NTN4: variants seen among roughly 807,000 people sequenced by gnomAD.
The protein encoded by NTN4 is netrin 4.
In NTN4, 32 loss-of-function variants were observed where a neutral mutation model predicts 73.6. That is an observed-to-expected ratio of 0.44 (90% CI 0.33 to 0.58). The LOEUF (loss-of-function observed/expected upper bound fraction) is 0.58, where lower values mean the gene tolerates loss of function less well. Among genes scored for constraint, NTN4 ranks in the 20% least tolerant of loss-of-function variants. NTN4 has a pLI of 0.04. For missense variants in NTN4, 654 were observed against 798.3 expected (o/e 0.82, Z 2.18); for synonymous variants, 258 against 287.5 (o/e 0.90, Z 1.04).
At chr12:95,711,734 A>G (rs2078566344) in intron 4 of NTN4, among the ~76,000 whole-genome samples, 1 of 152,186 alleles carries the variant, frequency 6.6e-6, no homozygotes, top group African/African-American at 2.4e-5. Flanking sequence ...GCATCAAGTG[A>G]CATGTCTCTG....
chr12:95,753,543 C>T (rs2078925727), intron 2 of NTN4, among the ~76,000 whole-genome samples: 1 of 147,160 alleles, frequency 6.8e-6, no homozygotes, highest in Admixed American at 6.8e-5. Flanking sequence ...TTTAGCCTTC[C>T]CACCTCTATA....
At chr12:95,757,036 T>C (rs1182219532) in intron 2 of NTN4, among the ~76,000 whole-genome samples, 2 of 152,186 alleles carry the variant, frequency 1.3e-5, no homozygotes, top group Non-Finnish European at 2.9e-5. Flanking sequence ...ACTTAGAATA[T>C]ACCATGTCTA....
At chr12:95,772,288 C>A (rs1592715639) in intron 2 of NTN4, among the ~76,000 whole-genome samples, 1 of 152,336 alleles carries the variant, frequency 6.6e-6, no homozygotes, top group African/African-American at 2.4e-5. Flanking sequence ...AATCCACCCA[C>A]TTCAGCCTCC....
chr12:95,785,010 G>A (rs2079157428), intron 2 of NTN4, among the ~76,000 whole-genome samples: 1 of 152,176 alleles, frequency 6.6e-6, no homozygotes, highest in African/African-American at 2.4e-5. Context: ...CAATAAATTT[G>A]CAATAAATTC....
At chr12:95,711,263 G>A (rs1393810295) in intron 4 of NTN4, among the ~76,000 whole-genome samples, 4 of 152,140 alleles carry the variant, frequency 2.6e-5, no homozygotes, top group Non-Finnish European at 5.9e-5. Context: ...ACAAAGTGTA[G>A]ATTTGTCTAG....
chr12:95,713,743 A>G (rs909898953), intron 3 of NTN4, among the ~76,000 whole-genome samples: 1 of 152,178 alleles, frequency 6.6e-6, no homozygotes, highest in African/African-American at 2.4e-5. Flanking sequence ...TAACATTTGG[A>G]GCATATAATT....
chr12:95,757,091 G>GT (rs1320095898), intron 2 of NTN4, among the ~76,000 whole-genome samples: 1 of 152,164 alleles, frequency 6.6e-6, no homozygotes, highest in Non-Finnish European at 1.5e-5. Context: ...TAGACTGTGA[G>GT]TGAGACATGA....
rs1343251865 is a variant in NTN4, at chr12:95,790,723, C to G, written c.-414G>C. On this transcript the variant is annotated 5_prime_UTR_variant, in exon 1 of 10. Transcript: ENST00000343702. The surrounding 1 kb of genome is among the most constrained non-coding windows in gnomAD (Gnocchi z 6.5). ...CTCCTGGGCGTCCTCCTCCGCTTTT[C>G]CCACCTCTTCTGGCTGCCCCGGCTC... 1 of 157,438 alleles carries G rather than the reference C, an allele frequency of 6.4e-6. No individual in the cohort carries two copies. The highest frequency in any genetic ancestry group is 1.4e-5 in the Non-Finnish European group (1 of 71,926). 9.8% of individuals were successfully genotyped at this position (157,438 alleles called of 1,614,324 possible).
rs753907178 is a variant in NTN4 at position 95,682,814 on chromosome 12, T to A, written c.1403A>T (p.Asp468Val). ...AGGAACTTCATGATACCAGTCTATG[T>A]CTGTGTGGCTAACAAAATAGAACAT... The part of the protein sequence containing the change: ...ITGDCISSHT[D>V]IDWYHEVPDF... The change falls in exon 7 of 10, where the codon GAC (aspartate) becomes GTC (valine). Residue 468 changes from aspartate (D) to valine (V), a missense_variant. Transcript: ENST00000343702. The A allele has an allele frequency of 1.4e-5, 23 of 1,600,540 alleles. No individual in the cohort carries two copies. The Middle Eastern group carries it at 6.6e-4, about 46-fold the overall frequency.
At chr12:95,707,002 C>T (rs2078526029) in intron 5 of NTN4, among the ~76,000 whole-genome samples, 1 of 152,106 alleles carries the variant, frequency 6.6e-6, no homozygotes, top group South Asian at 2.1e-4. Context: ...TGGTGCTGGT[C>T]CAAGAGCCAC....
chr12:95,693,493 G>A (rs1030601399), intron 5 of NTN4, among the ~76,000 whole-genome samples: 28 of 151,984 alleles, frequency 1.8e-4, no homozygotes, highest in African/African-American at 5.8e-4. Flanking sequence ...CACTTTGAGA[G>A]GGCGAGGCAG....
At chr12:95,664,627 T>TC (rs1246750224) in intron 9 of NTN4, among the ~76,000 whole-genome samples, 1 of 151,706 alleles carries the variant, frequency 6.6e-6, no homozygotes, top group Non-Finnish European at 1.5e-5. Context: ...GACTTTGTTT[T>TC]TTTGAGATGG....
intron 2 of NTN4, among the ~76,000 whole-genome samples, chr12:95,767,011 CCT>C (rs1272181420): frequency 1.2e-4 from 19 of 152,262 alleles, no homozygotes; most frequent in Non-Finnish European, 1.2e-4. Context: ...CACACTGTCC[CCT>C]GAGTTTTCTT....
intron 2 of NTN4, among the ~76,000 whole-genome samples, chr12:95,767,886 C>T (rs939067960): frequency 5.3e-5 from 8 of 152,136 alleles, no homozygotes; most frequent in African/African-American, 1.7e-4. Context: ...TAACCCATGA[C>T]ATCGTCCTTG....
Position 95,711,932 on chromosome 12 carries a change from T to A in NTN4, c.991+1280A>T, listed in dbSNP as rs557141453. Among the ~76,000 whole-genome samples, 4 of 152,318 alleles carry A rather than the reference T, an allele frequency of 2.6e-5. No individual in the cohort carries two copies. The South Asian group carries it at 8.3e-4, about 32-fold the overall frequency. ...GTTTTTCATTGTTTCCTTGATGTGT[T>A]ATGAAATTCTGACCAGATTCATATC... is the stretch of plus-strand genomic sequence containing the variant. On this transcript the variant is annotated intron_variant, in intron 4 of 9. Coordinates refer to ENST00000343702, the MANE Select transcript of NTN4 (RefSeq NM_021229.4).
intron 2 of NTN4, among the ~76,000 whole-genome samples, chr12:95,755,403 C>G (rs1488051155): frequency 6.6e-6 from 1 of 152,188 alleles, no homozygotes; most frequent in Non-Finnish European, 1.5e-5. Context: ...AAAGAGAAGG[C>G]TGGACTAGAA....
At chr12:95,712,032 C>T (rs1251150381) in intron 4 of NTN4, among the ~76,000 whole-genome samples, 1 of 152,072 alleles carries the variant, frequency 6.6e-6, no homozygotes, top group Non-Finnish European at 1.5e-5. Context: ...GAAACAAAAA[C>T]AAATCAGTTA....
rs192471732 is a variant in NTN4, at chr12:95,707,537, T to G, written c.1180+2904A>C. Among the ~76,000 whole-genome samples, 181 of 152,290 alleles carry G rather than the reference T, an allele frequency of 1.2e-3. 1 individual carries two copies. The highest frequency in any genetic ancestry group is 4.2e-3 in the African/African-American group (173 of 41,556). ...CCTCTTCCCACCCCAAGCCCTTGGT[T>G]CCCTGGATCCCTTCCCTCTTGTTTT... On this transcript the variant is annotated intron_variant, in intron 5 of 9. Coordinates refer to ENST00000343702, the MANE Select transcript of NTN4 (RefSeq NM_021229.4).
chr12:95,737,638 C>T (rs1295103057), intron 3 of NTN4, among the ~76,000 whole-genome samples: 1 of 152,192 alleles, frequency 6.6e-6, no homozygotes, highest in African/African-American at 2.4e-5. Flanking sequence ...GTACTAAAAA[C>T]TGGCATGGGT....
Sources: gnomAD v4.1 joint callset for allele counts (sites outside exome capture counted in the v4.1 genomes callset) on GRCh38, gnomAD v4.1.1 for gene constraint, Gnocchi (gnomAD v3.1) non-coding constraint, MANE v1.5 for transcripts, NCBI Gene and HGNC (gene_info 2026-07-23, HGNC 2026-07-21) for gene names.